The following ARID5A variants were observed in gnomAD, a reference collection of about 807,000 sequenced individuals.
The protein encoded by ARID5A is AT-rich interaction domain 5A, also known as AT-rich interactive domain-containing protein 5A.
Under a neutral mutation model 30.5 loss-of-function variants are expected in ARID5A, and 14 were observed. That is an observed-to-expected ratio of 0.46 (90% CI 0.30 to 0.72). The LOEUF is 0.72. Ranked by LOEUF, ARID5A falls within the 30% of genes least tolerant of loss-of-function variation. The probability of loss-of-function intolerance (pLI) is 0.07; values close to 1 mark genes in which losing one functional copy is unlikely to be tolerated. For missense variants in ARID5A, 669 were observed against 786.2 expected (o/e 0.85, Z 1.78); for synonymous variants, 338 against 340.4 (o/e 0.99, Z 0.08).
intron 1 of ARID5A, chr2:96,538,225 A>C (rs895138673): frequency 1.0e-6 from 1 of 985,418 alleles, no homozygotes; most frequent in Non-Finnish European, 1.2e-6. Flanking sequence ...CCATCTGAGG[A>C]GCTCTCACTG....
Position 96,549,818 on chromosome 2 carries a change from C to T in ARID5A, c.312+13C>T, listed in dbSNP as rs752868441. The T allele has an allele frequency of 2.1e-5, 34 of 1,610,080 alleles. No homozygotes were observed. The highest frequency in any genetic ancestry group is 2.5e-6 in the Non-Finnish European group (3 of 1,178,000). Reference sequence around the variant, plus strand: ...GGCCTATGAGCTGGTAAGGAAGGCACCTCCCAGTCCTTGCCAAACTGCATA... The same window carrying T: ...GGCCTATGAGCTGGTAAGGAAGGCATCTCCCAGTCCTTGCCAAACTGCATA... On this transcript the variant is annotated intron_variant, in intron 4 of 6. Transcript: ENST00000357485. The surrounding 1 kb of genome is among the most constrained non-coding windows in gnomAD (Gnocchi z 6.1).
At chr2:96,546,297 A>G (rs2065926860) in intron 1 of ARID5A, among the ~76,000 whole-genome samples, 1 of 152,246 alleles carries the variant, frequency 6.6e-6, no homozygotes. Context: ...TTAACAAAAG[A>G]ACAAAGGACA....
In ARID5A at chr2:96,551,311, GA is replaced by G. The variant is rs763447009; in HGVS notation, c.785del (p.Lys262SerfsTer6). ...HGIMSPLAKK[K>X]LLAQVSKVEA... is the part of the protein sequence containing the mutation. ...GCATCATGTCACCACTGGCCAAAAA[GA>G]AGCTCCTGGCCCAGGTGAGCAAGGT... is the stretch of plus-strand genomic sequence containing the variant. On this transcript the variant is annotated frameshift_variant, in exon 7 of 7. Coordinates refer to ENST00000357485, the MANE Select transcript of ARID5A (RefSeq NM_212481.3). LOFTEE classifies it low-confidence loss of function (END_TRUNC). The G allele has an allele frequency of 6.2e-7, 1 of 1,613,760 alleles. No homozygotes were observed.
chr2:96,544,542 A>G (rs1004091315), intron 1 of ARID5A, among the ~76,000 whole-genome samples: 1 of 152,346 alleles, frequency 6.6e-6, no homozygotes. Flanking sequence ...ATGACAGCAC[A>G]TCTGTTTATA....
Position 96,549,839 on chromosome 2 carries a change from G to T in ARID5A, c.312+34G>T. 1 of 1,603,432 alleles carries T rather than the reference G, an allele frequency of 6.2e-7. No homozygotes were observed. Among genetic ancestry groups the T allele is most frequent in the Non-Finnish European group, 8.5e-7 (1 of 1,174,524 alleles). On this transcript the variant is annotated intron_variant, in intron 4 of 6. Transcript: ENST00000357485. This position sits in a 1 kb window ranked among gnomAD's most constrained non-coding sequence, Gnocchi z 6.1. ...GGCACCTCCCAGTCCTTGCCAAACT[G>T]CATATCCCTGGGGTGAGCCTGCAGC...
At chr2:96,541,974 T>A (rs917774305) in intron 1 of ARID5A, among the ~76,000 whole-genome samples, 7 of 152,114 alleles carry the variant, frequency 4.6e-5, no homozygotes, top group South Asian at 4.1e-4. Context: ...TTTTCCCTCC[T>A]CCACAGAGCC....
At position 96,552,034 on chromosome 2, in the gene ARID5A, C is replaced by A. The variant is rs1009584052; in HGVS notation, c.1506C>A (p.Gly502=). The A allele has an allele frequency of 7.1e-6, 11 of 1,540,604 alleles. No homozygotes were observed. The African/African-American group carries it at 8.3e-5, about 12-fold the overall frequency. The change falls in exon 7 of 7, where the codon GGC becomes GGA. Residue 502 remains glycine (G), a synonymous_variant. Transcript: ENST00000357485. ...LGPVPPEAYR[G]TMLHCPLNFT... is the part of the protein sequence containing the mutation. The stretch of plus-strand genomic sequence containing the variant: ...CTGTGCCCCCAGAGGCCTACAGGGG[C>A]ACCATGCTGCACTGCCCGCTGAACT...
chr2:96,547,826 G>C (rs576145486), intron 2 of ARID5A, among the ~76,000 whole-genome samples: 2 of 152,204 alleles, frequency 1.3e-5, no homozygotes, highest in African/African-American at 2.4e-5. Context: ...TAACATGGGC[G>C]TATAAAGTCA....
intron 1 of ARID5A, among the ~76,000 whole-genome samples, chr2:96,545,160 T>C (rs532362123): frequency 2.0e-5 from 3 of 146,678 alleles, no homozygotes; most frequent in African/African-American, 5.0e-5. Context: ...CTTTTTCTTT[T>C]TTTTTTTTTT....
At position 96,551,542 on chromosome 2, in the gene ARID5A, C is replaced by CA; in HGVS notation, c.1015dup (p.Ile339AsnfsTer27). The CA allele has an allele frequency of 6.2e-7, 1 of 1,607,010 alleles. No individual in the cohort carries two copies. The highest frequency in any genetic ancestry group is 1.7e-5 in the Admixed American group (1 of 59,344). ...AGGCAGGCCCCTGCCCGGCAGCCCCCATCTTCAAGGGCTGCTTCTACACCC... is the reference window on the plus strand; with the variant it reads ...AGGCAGGCCCCTGCCCGGCAGCCCCCAATCTTCAAGGGCTGCTTCTACACCC... On this transcript the variant is annotated frameshift_variant, in exon 7 of 7. Coordinates refer to ENST00000357485, the MANE Select transcript of ARID5A (RefSeq NM_212481.3). LOFTEE classifies it low-confidence loss of function (END_TRUNC).
At chr2:96,544,949 T>C (rs575513209) in intron 1 of ARID5A, among the ~76,000 whole-genome samples, 1 of 152,174 alleles carries the variant, frequency 6.6e-6, no homozygotes, top group Admixed American at 6.5e-5. Context: ...CTTTGAGGGC[T>C]TCAAGACTTC....
chr2:96,551,341 G>A lies in ARID5A; in HGVS notation c.813G>A (p.Glu271=). Residue 271 remains glutamate (E), a synonymous_variant, in exon 7 of 7, where the codon GAG becomes GAA. Transcript: ENST00000357485. Reference sequence around the variant, plus strand: ...TCCTGGCCCAGGTGAGCAAGGTGGAGGCCTTGCAGTGCCAGGAGGAGGGCT... The same window carrying A: ...TCCTGGCCCAGGTGAGCAAGGTGGAAGCCTTGCAGTGCCAGGAGGAGGGCT... ...KKLLAQVSKV[E]ALQCQEEGCR... 1 of 1,613,444 alleles carries A rather than the reference G, an allele frequency of 6.2e-7. No individual in the cohort carries two copies. Among genetic ancestry groups the A allele is most frequent in the Non-Finnish European group, 8.5e-7 (1 of 1,179,954 alleles).
Position 96,536,754 on chromosome 2 carries a change from C to A in ARID5A, c.-73C>A. On this transcript the variant is annotated 5_prime_UTR_variant, in exon 1 of 7. Transcript: ENST00000357485. ...GGCGGGCCGCGCCGCGAGCCAGTAT[C>A]TCAGAGAGCGCGGGGTCCGGACAGC... The A allele has an allele frequency of 6.3e-6, 7 of 1,106,134 alleles. No homozygotes were observed. Among genetic ancestry groups the A allele is most frequent in the Non-Finnish European group, 6.6e-6 (6 of 902,894 alleles). 68.5% of individuals were successfully genotyped at this position (1,106,134 alleles called of 1,614,324 possible).
At position 96,551,194 on chromosome 2, in the gene ARID5A, C is replaced by T; in HGVS notation, c.666C>T (p.Ala222=). 2 of 1,614,034 alleles carry T rather than the reference C, an allele frequency of 1.2e-6. No homozygotes were observed. Among genetic ancestry groups the T allele is most frequent in the Non-Finnish European group, 1.7e-6 (2 of 1,179,996 alleles). ...PRNSTEQQGL[A]SGSSVSFVGA... is the part of the protein sequence containing the mutation. ...ACAGCACAGAACAGCAGGGCCTGGCCTCTGGGTCTTCTGTGTCCTTTGTGG... is the reference window on the plus strand; with the variant it reads ...ACAGCACAGAACAGCAGGGCCTGGCTTCTGGGTCTTCTGTGTCCTTTGTGG... Residue 222 remains alanine (A), a synonymous_variant, in exon 7 of 7, where the codon GCC becomes GCT. Coordinates refer to ENST00000357485, the MANE Select transcript of ARID5A (RefSeq NM_212481.3).
Position 96,549,821 on chromosome 2 carries a change from C to G in ARID5A, c.312+16C>G, listed in dbSNP as rs1422187174. ...CTATGAGCTGGTAAGGAAGGCACCT[C>G]CCAGTCCTTGCCAAACTGCATATCC... is the stretch of plus-strand genomic sequence containing the variant. On this transcript the variant is annotated intron_variant, in intron 4 of 6. Coordinates refer to ENST00000357485, the MANE Select transcript of ARID5A (RefSeq NM_212481.3). The surrounding 1 kb of genome is among the most constrained non-coding windows in gnomAD (Gnocchi z 6.1). 6.2e-7 allele frequency: 1 copy of G among 1,609,882 alleles called. No individual in the cohort carries two copies. Among genetic ancestry groups the G allele is most frequent in the Admixed American group, 1.7e-5 (1 of 59,682 alleles).
At position 96,552,009 on chromosome 2, in the gene ARID5A, C is replaced by G; in HGVS notation, c.1481C>G (p.Pro494Arg). ...VSCLLGPALG[P>R]VPPEAYRGTM... ...TGCCTTCTGGGCCCAGCCCTGGGGC[C>G]TGTGCCCCCAGAGGCCTACAGGGGC... Residue 494 changes from proline (P) to arginine (R), a missense_variant, in exon 7 of 7, where the codon CCT becomes CGT. Coordinates refer to ENST00000357485, the MANE Select transcript of ARID5A (RefSeq NM_212481.3). 2 of 1,523,604 alleles carry G rather than the reference C, an allele frequency of 1.3e-6. No individual in the cohort carries two copies. Among genetic ancestry groups the G allele is most frequent in the Non-Finnish European group, 1.8e-6 (2 of 1,136,644 alleles). 94.4% of individuals were successfully genotyped at this position (1,523,604 alleles called of 1,614,324 possible).
chr2:96,548,908 C>T (rs1364421929), intron 2 of ARID5A, among the ~76,000 whole-genome samples: 1 of 152,248 alleles, frequency 6.6e-6, no homozygotes, highest in Non-Finnish European at 1.5e-5. Context: ...CAGCTTTTCC[C>T]TCTGCGGTTA....
At chr2:96,542,810 G>C (rs1216816324) in intron 1 of ARID5A, among the ~76,000 whole-genome samples, 1 of 152,190 alleles carries the variant, frequency 6.6e-6, no homozygotes, top group African/African-American at 2.4e-5. Context: ...CTGAGGCTCT[G>C]GGGCAGCAGG....
chr2:96,545,667 G>A (rs1161805413), intron 1 of ARID5A, among the ~76,000 whole-genome samples: 1 of 151,944 alleles, frequency 6.6e-6, no homozygotes, highest in African/African-American at 2.4e-5. Flanking sequence ...TTCATGAAAG[G>A]AAGAGTTGCC....
Sources: allele counts gnomAD v4.1 joint callset (sites outside exome capture counted in the v4.1 genomes callset), GRCh38; gene constraint gnomAD v4.1.1; non-coding constraint Gnocchi (gnomAD v3.1); transcripts MANE v1.5; gene names NCBI Gene and HGNC (gene_info 2026-07-23, HGNC 2026-07-21).